The following VPS26C variants were observed in gnomAD, a reference collection of about 807,000 sequenced individuals.
VPS26C encodes vacuolar protein sorting-associated protein 26C.
A neutral mutation model predicts 30.6 loss-of-function variants in VPS26C; 19 were observed. The ratio of observed to expected loss-of-function variants is 0.62; its 90% CI spans 0.43 to 0.91. The LOEUF (loss-of-function observed/expected upper bound fraction) is 0.91. Among genes scored for constraint, VPS26C ranks in the 40% least tolerant of loss-of-function variants. The probability of loss-of-function intolerance (pLI) is 0.00; values close to 1 mark genes in which losing one functional copy is unlikely to be tolerated. For synonymous variants in VPS26C, 132 were observed against 151.5 expected, an observed-to-expected ratio of 0.87 and a Z score of 0.95; for missense variants, 318 against 385.1, an observed-to-expected ratio of 0.83 and a Z score of 1.46.
rs1000858236 is a variant in VPS26C, at chr21:37,257,709, C to T, written c.57+9529G>A. ...CCTTGCTCATGGTCAGCCCCAAGCA[C>T]GGGCGGAAGAAAGGACTGGAGGGGA... On this transcript the variant is annotated intron_variant, in intron 1 of 7. Coordinates refer to ENST00000309117, the MANE Select transcript of VPS26C (RefSeq NM_006052.2). The surrounding 1 kb of genome is among the most constrained non-coding windows in gnomAD (Gnocchi z 4.2). 1.3e-5 allele frequency among the ~76,000 whole-genome samples: 2 copies of T among 150,814 alleles called. No individual in the cohort carries two copies. Among genetic ancestry groups the T allele is most frequent in the Admixed American group, 1.3e-4 (2 of 15,180 alleles).
intron 3 of VPS26C, among the ~76,000 whole-genome samples, chr21:37,235,455 A>T (rs180736066): frequency 1.6e-4 from 25 of 152,318 alleles, no homozygotes; most frequent in African/African-American, 5.8e-4. Flanking sequence ...TTTAAAGTAG[A>T]TTCCTATAAA....
chr21:37,225,836 T>A, intron 7 of VPS26C: 1 of 579,712 alleles, frequency 1.7e-6, no homozygotes, highest in South Asian at 2.1e-5. Flanking sequence ...TCTGTCAACT[T>A]TCTCTAAGTG....
intron 4 of VPS26C, chr21:37,232,746 C>T: frequency 4.1e-6 from 2 of 489,312 alleles, no homozygotes; most frequent in Non-Finnish European, 7.4e-6. Flanking sequence ...TTGGCAAGTA[C>T]TTATTTGAAA....
At chr21:37,267,562 A>G (rs2086382685), upstream of VPS26C, 30 of 544,332 alleles carry the variant, frequency 5.5e-5, 1 homozygote, top group South Asian at 6.4e-4. Flanking sequence ...GACGGGGCCA[A>G]GCTAGCCCCA....
chr21:37,242,666 C>T (rs1394749392), intron 1 of VPS26C, among the ~76,000 whole-genome samples: 1 of 152,150 alleles, frequency 6.6e-6, no homozygotes, highest in East Asian at 1.9e-4. Flanking sequence ...ATAAATGAGA[C>T]AAAATAATTT....
intron 5 of VPS26C, chr21:37,229,619 T>G (rs1462881126): frequency 1.3e-5 from 2 of 152,240 alleles, no homozygotes; most frequent in Non-Finnish European, 2.9e-5. Context: ...CCACATATAA[T>G]CAATATCAAA....
chr21:37,246,712 T>C (rs1380609024), intron 1 of VPS26C, among the ~76,000 whole-genome samples: 3 of 152,216 alleles, frequency 2.0e-5, no homozygotes, highest in Non-Finnish European at 2.9e-5. Context: ...ATAATGTACA[T>C]GGCTTTCCCA....
At chr21:37,250,085 C>A (rs1054457713) in intron 1 of VPS26C, among the ~76,000 whole-genome samples, 1 of 151,794 alleles carries the variant, frequency 6.6e-6, no homozygotes, top group African/African-American at 2.4e-5. Context: ...AGGCGGATCA[C>A]CTGAGATCAG....
chr21:37,230,068 T>C (rs113397255), intron 5 of VPS26C, among the ~76,000 whole-genome samples: 1,873 of 152,288 alleles, frequency 0.012, 32 homozygotes, highest in African/African-American at 0.043. Context: ...ACAGGTTCTA[T>C]GTTGCCCACG....
At chr21:37,247,436 A>G (rs1489760928) in intron 1 of VPS26C, among the ~76,000 whole-genome samples, 1 of 152,186 alleles carries the variant, frequency 6.6e-6, no homozygotes, top group Non-Finnish European at 1.5e-5. Context: ...ATTCAGGTAC[A>G]ATAAAAAGTT....
At chr21:37,236,295 C>T (rs1443945901) in intron 3 of VPS26C, among the ~76,000 whole-genome samples, 1 of 152,150 alleles carries the variant, frequency 6.6e-6, no homozygotes, top group East Asian at 1.9e-4. Flanking sequence ...ACTGCCGTCT[C>T]TGGGCGGCAC....
At chr21:37,254,161 A>G (rs1463207703) in intron 1 of VPS26C, among the ~76,000 whole-genome samples, 1 of 152,176 alleles carries the variant, frequency 6.6e-6, no homozygotes, top group African/African-American at 2.4e-5. Context: ...GCCAGCCCAC[A>G]CTTATATATG....
chr21:37,251,650 G>C (rs1226190172), intron 1 of VPS26C, among the ~76,000 whole-genome samples: 1 of 152,114 alleles, frequency 6.6e-6, no homozygotes, highest in African/African-American at 2.4e-5. Flanking sequence ...GGTGAGGCAG[G>C]GGGTATCGAT....
intron 1 of VPS26C, among the ~76,000 whole-genome samples, chr21:37,248,683 C>A (rs2086161558): frequency 6.8e-6 from 1 of 147,462 alleles, no homozygotes; most frequent in African/African-American, 2.5e-5. Flanking sequence ...CAGAAAATTC[C>A]ACTATAAAAC....
In VPS26C at chr21:37,225,583, G is replaced by A. The variant is rs1204951975; in HGVS notation, c.855C>T (p.Leu285=). The A allele has an allele frequency of 1.2e-6, 2 of 1,614,036 alleles. No homozygotes were observed. Among genetic ancestry groups the A allele is most frequent in the Admixed American group, 1.7e-5 (1 of 59,992 alleles). Reference sequence around the variant, plus strand: ...GCTTCAGCGGGAAGTTCTCCGTGATGAGGTGGTCAGGGTGAAGCAGCACCA... The same window carrying A: ...GCTTCAGCGGGAAGTTCTCCGTGATAAGGTGGTCAGGGTGAAGCAGCACCA... ...NIVVLLHPDH[L]ITENFPLKLC... Residue 285 remains leucine, a synonymous_variant, in exon 8 of 8, where the codon CTC becomes CTT. Coordinates refer to ENST00000309117, the MANE Select transcript of VPS26C (RefSeq NM_006052.2).
chr21:37,264,851 C>T (rs1003433685), intron 1 of VPS26C, among the ~76,000 whole-genome samples: 3 of 152,168 alleles, frequency 2.0e-5, no homozygotes, highest in Non-Finnish European at 2.9e-5. Flanking sequence ...ATGTTCATAA[C>T]ATTATTAATA....
At chr21:37,267,212 C>CACAA in intron 1 of VPS26C, 26 bp downstream of exon 1, 1 of 1,092,266 alleles carries the variant, frequency 9.2e-7, no homozygotes, top group Non-Finnish European at 1.4e-6. Flanking sequence ...ACCCCACCTC[C>CACAA]ATCCCCACCC....
In VPS26C at chr21:37,233,216, C is replaced by A. The variant is rs2085984574; in HGVS notation, c.432+146G>T. ...GCACACGTGATGCGCATGCCACCGA[C>A]TGTCTCTGACCCAGAAGTCTTGTGT... On this transcript the variant is annotated intron_variant, in intron 4 of 7. Coordinates refer to ENST00000309117, the MANE Select transcript of VPS26C (RefSeq NM_006052.2). This position sits in a 1 kb window ranked among gnomAD's most constrained non-coding sequence, Gnocchi z 5.2. 2 of 685,902 alleles carry A rather than the reference C, an allele frequency of 2.9e-6. No homozygotes were observed. The highest frequency in any genetic ancestry group is 3.6e-5 in the African/African-American group (2 of 56,190). The allele number at this position is 685,902 out of a possible 1,614,324, so 42.5% of individuals were successfully genotyped here. A position where few individuals can be genotyped will look rare whatever the true frequency, so the allele number is the denominator to read the frequency against.
rs773028445 is a variant in VPS26C at position 37,233,335 on chromosome 21, G to C, written c.432+27C>G. On this transcript the variant is annotated intron_variant, in intron 4 of 7. Transcript: ENST00000309117. This position sits in a 1 kb window ranked among gnomAD's most constrained non-coding sequence, Gnocchi z 5.2. ...CCCCATGGGAGATTCCTATCATTAAGCACCAGAGTCCCCGAGTGAAGCTTA... is the reference window on the plus strand; with the variant it reads ...CCCCATGGGAGATTCCTATCATTAACCACCAGAGTCCCCGAGTGAAGCTTA... The C allele has an allele frequency of 6.3e-7, 1 of 1,589,656 alleles. No homozygotes were observed.
Sources: gnomAD v4.1 joint callset for allele counts (sites outside exome capture counted in the v4.1 genomes callset) on GRCh38, gnomAD v4.1.1 for gene constraint, Gnocchi (gnomAD v3.1) non-coding constraint, MANE v1.5 for transcripts, NCBI Gene and HGNC (gene_info 2026-07-23, HGNC 2026-07-21) for gene names.